Variants in UNC13B observed in about 807,000 individuals in gnomAD.
UNC13B encodes unc-13 homolog B.
In UNC13B, 144 loss-of-function variants were observed where a neutral mutation model predicts 211.0. The ratio of observed to expected loss-of-function variants is 0.68; its 90% CI spans 0.60 to 0.78. The LOEUF is 0.78. Among genes scored for constraint, UNC13B ranks in the 30% least tolerant of loss-of-function variants. UNC13B has a pLI of 0.00. For missense variants in UNC13B, 1,777 were observed against 2,002.0 expected (o/e 0.89, Z 2.14); for synonymous variants, 709 against 725.8 (o/e 0.98, Z 0.37).
intron 7 of UNC13B, among the ~76,000 whole-genome samples, chr9:35,280,789 G>A (rs1286986139): frequency 6.6e-6 from 1 of 152,056 alleles, no homozygotes; most frequent in Non-Finnish European, 1.5e-5. Context: ...AATTTGAGGT[G>A]GTTAATTGCA....
chr9:35,176,494 G>C (rs10465081), intron 1 of UNC13B, among the ~76,000 whole-genome samples: 84,137 of 151,886 alleles, frequency 0.55, 23,601 homozygotes, highest in South Asian at 0.6. Flanking sequence ...ATTGCAGTGA[G>C]CTGAAATCGC....
chr9:35,230,631 T>C (rs891831078), intron 2 of UNC13B, among the ~76,000 whole-genome samples: 4 of 152,140 alleles, frequency 2.6e-5, no homozygotes, highest in Non-Finnish European at 5.9e-5. Context: ...CTTTTTCTTT[T>C]TTCCTTCTGG....
At chr9:35,385,665 G>C in intron 22 of UNC13B, 59 bp from the exon 23 acceptor site, 1 of 1,524,416 alleles carries the variant, frequency 6.6e-7, no homozygotes. Context: ...CATCACTTTT[G>C]GCAGGGAAGG....
At chr9:35,362,297 G>A (rs1663335214) in intron 11 of UNC13B, among the ~76,000 whole-genome samples, 1 of 152,230 alleles carries the variant, frequency 6.6e-6, no homozygotes, top group Non-Finnish European at 1.5e-5. Context: ...GACAGGAGGA[G>A]ACGTTTAGAG....
In UNC13B at chr9:35,162,299, G is replaced by A; in HGVS notation, c.16G>A (p.Val6Met). 6.5e-7 allele frequency: 1 copy of A among 1,543,268 alleles called. No individual in the cohort carries two copies. The highest frequency in any genetic ancestry group is 1.2e-5 in the South Asian group (1 of 84,314). Residue 6 changes from valine to methionine, a missense_variant, in exon 1 of 40, where the codon GTG becomes ATG. Transcript: ENST00000635942. ...ATCCTCGGCCATGTCACTGCTCTGC[G>A]TGCGCGGTGAGTGCGCGGACTGAGG... Reference protein sequence around the residue: MSLLCVRVKRAKFQGS... With the variant: MSLLCMRVKRAKFQGS...
chr9:35,307,354 G>A lies in UNC13B; in HGVS notation c.7950G>A (p.Ala2650=), dbSNP rs150740629. ...TEASLEAENF[A]LPAQLHPDPT... ...CATCGTTAGAAGCAGAGAACTTTGCGCTGCCAGCACAGTTGCATCCAGATC... is the reference window on the plus strand; with the variant it reads ...CATCGTTAGAAGCAGAGAACTTTGCACTGCCAGCACAGTTGCATCCAGATC... Residue 2650 remains alanine, a synonymous_variant, in exon 9 of 40, where the codon GCG becomes GCA. Coordinates refer to ENST00000635942, the MANE Select transcript of UNC13B (RefSeq NM_001371189.2). The A allele has an allele frequency of 3.5e-5, 14 of 398,942 alleles. No homozygotes were observed. Among genetic ancestry groups the A allele is most frequent in the African/African-American group, 2.3e-4 (11 of 48,702 alleles). 24.7% of individuals were successfully genotyped at this position (398,942 alleles called of 1,614,324 possible). A position where few individuals can be genotyped will look rare whatever the true frequency, so the allele number is the denominator to read the frequency against.
chr9:35,391,506 G>T (rs529916273), intron 26 of UNC13B, among the ~76,000 whole-genome samples: 16 of 152,308 alleles, frequency 1.1e-4, no homozygotes, highest in African/African-American at 3.8e-4. Flanking sequence ...AATGTGTGAG[G>T]TTTAGAATCA....
At chr9:35,371,616 T>C (rs1314181543) in intron 13 of UNC13B, among the ~76,000 whole-genome samples, 3 of 152,226 alleles carry the variant, frequency 2.0e-5, no homozygotes, top group African/African-American at 7.2e-5. Flanking sequence ...CTTCCTCTTC[T>C]TCCTACTTTT....
chr9:35,218,910 T>C lies in UNC13B; in HGVS notation c.23-9105T>C, dbSNP rs151270898. 2.2e-3 allele frequency among the ~76,000 whole-genome samples: 339 copies of C among 152,042 alleles called. 4 individuals carry two copies. The East Asian group carries it at 0.047, about 21-fold the overall frequency. ...GATTACAGGCATGCACCACCACGCC[T>C]GGCTAATTTTGTATTTTTAGTAGAG... On this transcript the variant is annotated intron_variant, in intron 1 of 39. Transcript: ENST00000635942.
At chr9:35,376,713 G>C (rs1372783500) in intron 15 of UNC13B, among the ~76,000 whole-genome samples, 2 of 152,176 alleles carry the variant, frequency 1.3e-5, no homozygotes, top group Non-Finnish European at 2.9e-5. Flanking sequence ...AGACAATAGT[G>C]CCAGAAATAG....
At chr9:35,261,405 CTATATT>C (rs1564100588) in intron 7 of UNC13B, among the ~76,000 whole-genome samples, 1 of 151,956 alleles carries the variant, frequency 6.6e-6, no homozygotes, top group Non-Finnish European at 1.5e-5. Flanking sequence ...ATAATACAGT[CTATATT>C]AAGAACTCCC....
At chr9:35,232,480 C>A (rs1825272758) in intron 3 of UNC13B, among the ~76,000 whole-genome samples, 1 of 151,924 alleles carries the variant, frequency 6.6e-6, no homozygotes, top group Non-Finnish European at 1.5e-5. Flanking sequence ...CTGCACCCAG[C>A]TTATATTGCT....
At chr9:35,203,013 C>T (rs1247530686) in intron 1 of UNC13B, among the ~76,000 whole-genome samples, 2 of 152,016 alleles carry the variant, frequency 1.3e-5, no homozygotes, top group East Asian at 1.9e-4. Context: ...AGGATGGTCT[C>T]GATCTCCTGA....
rs993261107 is a variant in UNC13B, at chr9:35,162,135, A to G, written c.-149A>G. 411 of 1,238,370 alleles carry G rather than the reference A, an allele frequency of 3.3e-4. 1 individual carries two copies. Among genetic ancestry groups the G allele is most frequent in the Non-Finnish European group, 4.3e-4 (377 of 884,992 alleles). 76.7% of individuals were successfully genotyped at this position (1,238,370 alleles called of 1,614,324 possible). On this transcript the variant is annotated 5_prime_UTR_variant, in exon 1 of 40. Coordinates refer to ENST00000635942, the MANE Select transcript of UNC13B (RefSeq NM_001371189.2). ...GTGAGATTTGGGGCGGGTCCGAGGC[A>G]GCGGCGGGACGCTACCTGCGACCGG...
At chr9:35,371,110 T>C (rs112812234) in intron 13 of UNC13B, among the ~76,000 whole-genome samples, 2,227 of 152,298 alleles carry the variant, frequency 0.015, 28 homozygotes, top group Non-Finnish European at 0.023. Flanking sequence ...TTCAGTTAAA[T>C]GTGAACCCTT....
intron 22 of UNC13B, 197 bp downstream of exon 22, chr9:35,384,511 G>C (rs1835061440): frequency 1.0e-6 from 1 of 985,310 alleles, no homozygotes; most frequent in Non-Finnish European, 1.2e-6. Context: ...ATAGCAGCAG[G>C]TATGGTTAGT....
In UNC13B at chr9:35,304,920, A is replaced by G. The variant is rs776194722; in HGVS notation, c.5516A>G (p.Gln1839Arg). ...CCAGAATTGATCAAAAATATAAGGC[A>G]AGAATTCTCTTTAAATAAAAACAAC... is the stretch of plus-strand genomic sequence containing the variant. ...QHPELIKNIR[Q>R]EFSLNKNNHV... The change falls in exon 9 of 40, where the codon CAA becomes CGA. Residue 1839 changes from glutamine (Q) to arginine (R), a missense_variant. Physicochemically the swap from Gln to Arg is conservative, Grantham distance 43. Coordinates refer to ENST00000635942, the MANE Select transcript of UNC13B (RefSeq NM_001371189.2). 2.0e-5 allele frequency: 8 copies of G among 398,830 alleles called. No individual in the cohort carries two copies. Among genetic ancestry groups the G allele is most frequent in the Non-Finnish European group, 3.5e-5 (8 of 225,996 alleles). The allele number at this position is 398,830 out of a possible 1,614,324, so 24.7% of individuals were successfully genotyped here.
chr9:35,235,320 G>T (rs1238059236), intron 3 of UNC13B, among the ~76,000 whole-genome samples: 1 of 152,152 alleles, frequency 6.6e-6, no homozygotes, highest in Non-Finnish European at 1.5e-5. Context: ...AGTCTCCAGG[G>T]ACTGAGTGGT....
intron 1 of UNC13B, among the ~76,000 whole-genome samples, chr9:35,176,376 C>T (rs564655635): frequency 1.8e-4 from 27 of 152,000 alleles, no homozygotes; most frequent in Non-Finnish European, 3.2e-4. Context: ...GACAAAACCC[C>T]GTCTCTACTA....
Sources: allele counts gnomAD v4.1 joint callset (sites outside exome capture counted in the v4.1 genomes callset), GRCh38; gene constraint gnomAD v4.1.1; transcripts MANE v1.5; gene names NCBI Gene and HGNC (gene_info 2026-07-23, HGNC 2026-07-21).